CELSR1: variants seen among roughly 807,000 people sequenced by gnomAD.
The protein encoded by CELSR1 is adhesion G protein-coupled receptor C1.
CELSR1 carries 110 observed loss-of-function variants against 249.1 expected under a neutral mutation model. The observed-to-expected ratio is 0.44, with a 90% CI of 0.38 to 0.52. CELSR1 has a LOEUF of 0.52. Ranked by LOEUF, CELSR1 falls within the 20% of genes least tolerant of loss-of-function variation. CELSR1 has a pLI of 0.00. For missense variants in CELSR1, 4,109 were observed against 4,296.4 expected (o/e 0.96, Z 1.22); for synonymous variants, 2,113 against 1,900.0 (o/e 1.11, Z -2.92).
At chr22:46,444,833 G>A (rs914534173) in intron 2 of CELSR1, among the ~76,000 whole-genome samples, 11 of 152,140 alleles carry the variant, frequency 7.2e-5, no homozygotes, top group Admixed American at 5.9e-4. Context: ...GGCTCCCAGC[G>A]TCCCTGGCTT....
chr22:46,438,769 T>G (rs903628826), intron 3 of CELSR1, among the ~76,000 whole-genome samples: 3 of 151,814 alleles, frequency 2.0e-5, no homozygotes, highest in Admixed American at 6.6e-5. Context: ...GCTTTTGTGG[T>G]TTTTTTTGAG....
Position 46,396,767 on chromosome 22 carries a change from T to C in CELSR1, c.5702-21A>G. ...GTACCCTGCAAGGACAGAGCCAGCA[T>C]TACCTCCACCCACAATCCACGAGAC... On this transcript the variant is annotated intron_variant, in intron 12 of 34. Coordinates refer to ENST00000674500, the MANE Select transcript of CELSR1 (RefSeq NM_001378328.1). This position sits in a 1 kb window ranked among gnomAD's most constrained non-coding sequence, Gnocchi z 6.4. The C allele has an allele frequency of 6.2e-7, 1 of 1,608,388 alleles. No individual in the cohort carries two copies.
intron 2 of CELSR1, among the ~76,000 whole-genome samples, chr22:46,444,963 T>C (rs955773974): frequency 2.0e-5 from 3 of 152,166 alleles, no homozygotes; most frequent in Admixed American, 6.5e-5. Context: ...CCCAGCACTT[T>C]GGGAGGCTGA....
intron 9 of CELSR1, among the ~76,000 whole-genome samples, chr22:46,400,432 G>A (rs1357577290): frequency 1.3e-5 from 2 of 152,080 alleles, no homozygotes; most frequent in Non-Finnish European, 2.9e-5. Context: ...GAGGTCACGA[G>A]TTCAAGACCA....
chr22:46,383,696 A>T (rs527546217), intron 20 of CELSR1, among the ~76,000 whole-genome samples: 2 of 151,736 alleles, frequency 1.3e-5, no homozygotes, highest in South Asian at 4.2e-4. Flanking sequence ...CCAGGTAATT[A>T]AAAAAAACTT....
chr22:46,461,953 A>G (rs956214453), intron 2 of CELSR1, among the ~76,000 whole-genome samples: 1 of 152,164 alleles, frequency 6.6e-6, no homozygotes, highest in East Asian at 1.9e-4. Flanking sequence ...GGCAAAGGGG[A>G]GGAAGGGGAC....
At position 46,389,325 on chromosome 22, in the gene CELSR1, C is replaced by A; in HGVS notation, c.6520G>T (p.Asp2174Tyr). ...TCGGCGTCCTGCGTGGCTGCCAGGT[C>A]GAAGCCCTGCTGCCAGCTCTCGTGC... ...LQHESWQQGF[D>Y]LAATQDADFH... Residue 2174 changes from aspartate (D) to tyrosine (Y), a missense_variant, in exon 18 of 35, where the codon GAC (aspartate) becomes TAC (tyrosine). Coordinates refer to ENST00000674500, the MANE Select transcript of CELSR1 (RefSeq NM_001378328.1). The A allele has an allele frequency of 6.2e-7, 1 of 1,609,310 alleles. No homozygotes were observed. The highest frequency in any genetic ancestry group is 1.1e-5 in the South Asian group (1 of 91,002).
intron 2 of CELSR1, among the ~76,000 whole-genome samples, chr22:46,462,417 C>A (rs2080040657): frequency 6.6e-6 from 1 of 151,008 alleles, no homozygotes; most frequent in Non-Finnish European, 1.5e-5. Context: ...TGGAAGCCAT[C>A]CTTCCTCTCT....
intron 2 of CELSR1, among the ~76,000 whole-genome samples, chr22:46,457,440 G>A (rs2079969449): frequency 6.6e-6 from 1 of 152,152 alleles, no homozygotes; most frequent in African/African-American, 2.4e-5. Flanking sequence ...CCGGCCCACT[G>A]GCGCACACAG....
rs1055649557 is a variant in CELSR1 at position 46,446,718 on chromosome 22, C to T, written c.4184-7307G>A. 6.6e-6 allele frequency among the ~76,000 whole-genome samples: 1 copy of T among 152,150 alleles called. No individual in the cohort carries two copies. Among genetic ancestry groups the T allele is most frequent in the Admixed American group, 6.5e-5 (1 of 15,276 alleles). ...TCCAAGCCAATGACTGATGCCTGCA[C>T]TTAATCCATGAGTTACAAAACGACA... is the stretch of plus-strand genomic sequence containing the variant. On this transcript the variant is annotated intron_variant, in intron 2 of 34. Coordinates refer to ENST00000674500, the MANE Select transcript of CELSR1 (RefSeq NM_001378328.1). This position sits in a 1 kb window ranked among gnomAD's most constrained non-coding sequence, Gnocchi z 5.5.
chr22:46,507,068 C>G (rs2080522075), intron 1 of CELSR1, among the ~76,000 whole-genome samples: 1 of 152,144 alleles, frequency 6.6e-6, no homozygotes, highest in Admixed American at 6.5e-5. Context: ...TGCCTATAAT[C>G]CCAGCTACTC....
chr22:46,521,063 T>C (rs5768880), intron 1 of CELSR1, among the ~76,000 whole-genome samples: 44,200 of 152,102 alleles, frequency 0.29, 7,593 homozygotes, highest in African/African-American at 0.48. Context: ...ATTTCCGTCC[T>C]TTTTCAGGCT....
chr22:46,514,121 C>A (rs994327260), intron 1 of CELSR1, among the ~76,000 whole-genome samples: 1 of 152,090 alleles, frequency 6.6e-6, no homozygotes, highest in Non-Finnish European at 1.5e-5. Flanking sequence ...CAGCTCTTTA[C>A]TTGTCTTGTC....
Position 46,440,662 on chromosome 22 carries a change from T to A in CELSR1, c.4184-1251A>T, listed in dbSNP as rs2079734647. 6.6e-6 allele frequency among the ~76,000 whole-genome samples: 1 copy of A among 152,218 alleles called. No individual in the cohort carries two copies. The highest frequency in any genetic ancestry group is 2.4e-5 in the African/African-American group (1 of 41,470). On this transcript the variant is annotated intron_variant, in intron 2 of 34. Coordinates refer to ENST00000674500, the MANE Select transcript of CELSR1 (RefSeq NM_001378328.1). This position sits in a 1 kb window ranked among gnomAD's most constrained non-coding sequence, Gnocchi z 4.7. ...TGAGTTTGTCTTTCTGCTGGGTTTT[T>A]GGTCCTGCTCTTATTGTGTTATAGA...
chr22:46,400,211 T>G (rs1318049402), intron 9 of CELSR1, among the ~76,000 whole-genome samples: 3 of 151,294 alleles, frequency 2.0e-5, no homozygotes, highest in Non-Finnish European at 4.4e-5. Flanking sequence ...GTGCCTGTAA[T>G]CCTGGCTACT....
chr22:46,489,476 C>G (rs1050130396), intron 1 of CELSR1, among the ~76,000 whole-genome samples: 1 of 151,846 alleles, frequency 6.6e-6, no homozygotes, highest in East Asian at 2.0e-4. Flanking sequence ...CTCCTAACTA[C>G]GGGACATCCA....
rs930026377 is a variant in CELSR1, at chr22:46,445,068, C to T, written c.4184-5657G>A. On this transcript the variant is annotated intron_variant, in intron 2 of 34. Transcript: ENST00000674500. The surrounding 1 kb of genome is among the most constrained non-coding windows in gnomAD (Gnocchi z 4.4). ...AAAAATTAACCGGCGTGGTGGCAAGCGCCTGTAATCCCAGCTACTTGGGAG... is the reference window on the plus strand; with the variant it reads ...AAAAATTAACCGGCGTGGTGGCAAGTGCCTGTAATCCCAGCTACTTGGGAG... Among the ~76,000 whole-genome samples, 4 of 152,050 alleles carry T rather than the reference C, an allele frequency of 2.6e-5. No individual in the cohort carries two copies. Among genetic ancestry groups the T allele is most frequent in the African/African-American group, 9.7e-5 (4 of 41,380 alleles).
chr22:46,394,086 C>G lies in CELSR1; in HGVS notation c.5964+56G>C, dbSNP rs2147264430. The stretch of plus-strand genomic sequence containing the variant: ...AAGGCGTGTGTGTATTTAGGGGCAG[C>G]TGTGCATGTGTGTGAGCAAACACAG... On this transcript the variant is annotated intron_variant, in intron 14 of 34. Transcript: ENST00000674500. The G allele has an allele frequency of 5.1e-6, 8 of 1,582,102 alleles. No individual in the cohort carries two copies. The South Asian group carries it at 6.9e-5, about 14-fold the overall frequency.
rs1354833918 is a variant in CELSR1 at position 46,384,643 on chromosome 22, G to A, written c.6783C>T (p.Ala2261=). The A allele has an allele frequency of 1.2e-6, 2 of 1,613,480 alleles. No individual in the cohort carries two copies. The highest frequency in any genetic ancestry group is 1.7e-6 in the Non-Finnish European group (2 of 1,179,800). The change falls in exon 20 of 35, where the codon GCC becomes GCT. Residue 2261 remains alanine (A), a synonymous_variant. Transcript: ENST00000674500. ...GGATGGTGTCGAATCGCGGGACCCT[G>A]GCTCCCGTAAAGTTGAACTTGTCAA... ...DIFDKFNFTG[A]RVPRFDTIHE... is the part of the protein sequence containing the mutation.
Sources: gnomAD v4.1 joint callset for allele counts (sites outside exome capture counted in the v4.1 genomes callset) on GRCh38, gnomAD v4.1.1 for gene constraint, Gnocchi (gnomAD v3.1) non-coding constraint, MANE v1.5 for transcripts, NCBI Gene and HGNC (gene_info 2026-07-23, HGNC 2026-07-21) for gene names.